ILDR1: variants seen among roughly 807,000 people sequenced by gnomAD.
ILDR1 encodes immunoglobulin-like domain-containing receptor 1.
Under a neutral mutation model 62.4 loss-of-function variants are expected in ILDR1, and 56 were observed. The ratio of observed to expected loss-of-function variants is 0.90; its 90% confidence interval spans 0.72 to 1.12. The LOEUF (loss-of-function observed/expected upper bound fraction) is 1.12, where lower values mean the gene tolerates loss of function less well. Ranked by LOEUF, ILDR1 falls within the 50% of genes most tolerant of loss-of-function variation. The pLI is 0.00. For missense variants in ILDR1, 736 were observed against 710.6 expected (o/e 1.04, Z -0.41); for synonymous variants, 284 against 277.8 (o/e 1.02, Z -0.22).
the ILDR1 span, among the ~76,000 whole-genome samples, chr3:122,028,512 A>T: frequency 6.6e-6 from 1 of 152,216 alleles, no homozygotes; most frequent in Non-Finnish European, 1.5e-5. Flanking sequence ...TTTAAAAGTC[A>T]CAAACTAGGA....
chr3:122,007,269 G>C (rs558457526), intron 1 of ILDR1, 108 bp from the exon 2 acceptor site: 1 of 1,563,722 alleles, frequency 6.4e-7, no homozygotes, highest in Admixed American at 1.9e-5. Context: ...GCCTGACCTG[G>C]CTAGGAGCTC....
chr3:122,049,422 T>C, the ILDR1 span, among the ~76,000 whole-genome samples: 2 of 152,222 alleles, frequency 1.3e-5, no homozygotes, highest in African/African-American at 4.8e-5. Flanking sequence ...AGCCCCTTGT[T>C]AACTAATTGA....
chr3:122,008,372 A>G (rs543267087), intron 1 of ILDR1, among the ~76,000 whole-genome samples: 2 of 150,874 alleles, frequency 1.3e-5, no homozygotes, highest in South Asian at 4.2e-4. Flanking sequence ...ACCTTGGAAC[A>G]TTCCTATGTT....
chr3:121,993,168 C>T lies in ILDR1; in HGVS notation c.1581G>A (p.Gly527=), dbSNP rs142243054. The change falls in exon 7 of 8, where the codon GGG becomes GGA. Residue 527 remains glycine (G), a synonymous_variant. Coordinates refer to ENST00000344209, the MANE Select transcript of ILDR1 (RefSeq NM_001199799.2). The part of the protein sequence containing the change: ...ITPGKNSRKK[G]SVERRSEKDS... Reference sequence around the variant, plus strand: ...GGCTCACCGAGCGCCTCTCCACACTCCCTTTTTTCCTGCTATTCTTGCCTG... The same window carrying T: ...GGCTCACCGAGCGCCTCTCCACACTTCCTTTTTTCCTGCTATTCTTGCCTG... The T allele has an allele frequency of 5.7e-3, 9,199 of 1,605,870 alleles. 40 individuals are homozygous for T. The highest frequency in any genetic ancestry group is 7.1e-3 in the Non-Finnish European group (8,396 of 1,176,192).
the ILDR1 span, among the ~76,000 whole-genome samples, chr3:122,052,415 C>T: frequency 6.6e-6 from 1 of 152,180 alleles, no homozygotes; most frequent in Non-Finnish European, 1.5e-5. Flanking sequence ...TCTGCTGTAG[C>T]AAGAACCCTC....
upstream of ILDR1, chr3:122,025,293 C>T (rs2107685621): frequency 6.6e-6 from 1 of 152,316 alleles, no homozygotes; most frequent in East Asian, 1.9e-4. Flanking sequence ...ACTCACTACG[C>T]TCAAACTAGC....
At chr3:122,037,822 G>A in the ILDR1 span, among the ~76,000 whole-genome samples, 1 of 152,162 alleles carries the variant, frequency 6.6e-6, no homozygotes, top group Non-Finnish European at 1.5e-5. Flanking sequence ...GAGGCCTGAT[G>A]GGAGGTGACT....
chr3:122,055,568 T>C, the ILDR1 span: 2 of 1,432,872 alleles, frequency 1.4e-6, no homozygotes, highest in African/African-American at 1.4e-5. Flanking sequence ...AAGGCTGAGG[T>C]TGAAGATGGT....
At chr3:122,041,658 T>G in the ILDR1 span, among the ~76,000 whole-genome samples, 1 of 152,194 alleles carries the variant, frequency 6.6e-6, no homozygotes, top group African/African-American at 2.4e-5. Context: ...TTTTAAGAAA[T>G]TTTGGTGCTA....
the ILDR1 span, among the ~76,000 whole-genome samples, chr3:122,047,383 G>T: frequency 8.5e-4 from 129 of 152,376 alleles, 3 homozygotes; most frequent in South Asian, 0.025. Context: ...TCTGTGCCCT[G>T]CCCCCAGAGG....
chr3:122,052,998 G>A, the ILDR1 span, among the ~76,000 whole-genome samples: 1 of 152,210 alleles, frequency 6.6e-6, no homozygotes, highest in Non-Finnish European at 1.5e-5. Flanking sequence ...AGGGTATACC[G>A]TGAATTTTCC....
At chr3:121,995,050 TA>T (rs927740459) in intron 5 of ILDR1, among the ~76,000 whole-genome samples, 2 of 152,066 alleles carry the variant, frequency 1.3e-5, no homozygotes, top group South Asian at 2.1e-4. Flanking sequence ...GAAAATCATA[TA>T]AAAAAAGTAG....
upstream of ILDR1, among the ~76,000 whole-genome samples, chr3:122,025,706 C>G (rs558606562): frequency 3.9e-5 from 6 of 152,094 alleles, no homozygotes; most frequent in African/African-American, 1.4e-4. Context: ...TATATGTGTA[C>G]AGTATTTATC....
In ILDR1 at chr3:121,987,609, G is replaced by T. The variant is rs1448350483; in HGVS notation, c.*758C>A. The T allele has an allele frequency of 6.6e-6, 1 of 152,414 alleles. No homozygotes were observed. The highest frequency in any genetic ancestry group is 1.9e-4 in the East Asian group (1 of 5,182). The allele number at this position is 152,414 out of a possible 1,614,324, so 9.4% of individuals were successfully genotyped here. On this transcript the variant is annotated 3_prime_UTR_variant, in exon 8 of 8. Transcript: ENST00000344209. ...ACTCCTAACAAGAAAGGACCCTCAA[G>T]ACATGCCATGGAGGAAGATACATTC...
At chr3:122,007,246 TGCCTGCCATCCTGCCTG>T (rs760321167) in intron 1 of ILDR1, 85 bp from the exon 2 acceptor site, 1 of 1,594,344 alleles carries the variant, frequency 6.3e-7, no homozygotes, top group Admixed American at 1.8e-5. Context: ...CAAAAGATAT[TGCCTGCCATCCTGCCTG>T]ACCTGGCTAG....
At chr3:122,056,569 T>G in the ILDR1 span, among the ~76,000 whole-genome samples, 5 of 152,278 alleles carry the variant, frequency 3.3e-5, no homozygotes, top group East Asian at 9.6e-4. Flanking sequence ...CTTGACCTTG[T>G]GATCTGGCCA....
the ILDR1 span, among the ~76,000 whole-genome samples, chr3:122,041,096 G>T: frequency 2.0e-5 from 3 of 152,250 alleles, no homozygotes; most frequent in East Asian, 3.9e-4. Flanking sequence ...TTTAAAATGG[G>T]TCAAAAACCT....
Position 121,988,304 on chromosome 3 carries a change from A to C in ILDR1, c.*63T>G. The C allele has an allele frequency of 7.3e-7, 1 of 1,375,414 alleles. No homozygotes were observed. Among genetic ancestry groups the C allele is most frequent in the Non-Finnish European group, 1.0e-6 (1 of 962,500 alleles). 85.2% of individuals were successfully genotyped at this position (1,375,414 alleles called of 1,614,324 possible). On this transcript the variant is annotated 3_prime_UTR_variant, in exon 8 of 8. Transcript: ENST00000344209. ...CAGTTCCCAAGTCAGCTGGAAACCTAGGTGATGCTGATGACACACAGGAGC... is the reference window on the plus strand; with the variant it reads ...CAGTTCCCAAGTCAGCTGGAAACCTCGGTGATGCTGATGACACACAGGAGC...
chr3:122,006,123 T>C (rs2071606740), intron 2 of ILDR1, among the ~76,000 whole-genome samples: 1 of 152,126 alleles, frequency 6.6e-6, no homozygotes, highest in South Asian at 2.1e-4. Context: ...AGTGGGTGGC[T>C]CAGACAGCTC....
Sources: gnomAD v4.1 joint callset for allele counts (sites outside exome capture counted in the v4.1 genomes callset) on GRCh38, gnomAD v4.1.1 for gene constraint, MANE v1.5 for transcripts, NCBI Gene and HGNC (gene_info 2026-07-23, HGNC 2026-07-21) for gene names.